Variants in ARHGAP19 observed in about 807,000 individuals in gnomAD.
The protein encoded by ARHGAP19 is Rho GTPase activating protein 19, also known as rho GTPase-activating protein 19.
A neutral mutation model predicts 60.9 loss-of-function variants in ARHGAP19; 48 were observed. The ratio of observed to expected loss-of-function variants is 0.79; its 90% CI spans 0.62 to 1.00. ARHGAP19 has a LOEUF of 1.00. Ranked by LOEUF, ARHGAP19 falls within the 50% of genes least tolerant of loss-of-function variation. ARHGAP19 has a pLI of 0.00. For synonymous variants in ARHGAP19, 209 were observed against 215.5 expected, an observed-to-expected ratio of 0.97 and a Z score of 0.27; for missense variants, 562 against 597.2, an observed-to-expected ratio of 0.94 and a Z score of 0.61.
chr10:97,267,431 C>G (rs1272420505), intron 1 of ARHGAP19, among the ~76,000 whole-genome samples: 1 of 152,226 alleles, frequency 6.6e-6, no homozygotes, highest in East Asian at 1.9e-4. Context: ...TGCAAGCTGT[C>G]AGTGGATCTA....
intron 11 of ARHGAP19, 60 bp from the exon 12 acceptor site, chr10:97,226,192 A>T: frequency 6.4e-7 from 1 of 1,569,858 alleles, no homozygotes; most frequent in Admixed American, 1.7e-5. Context: ...TTTTGCAAAC[A>T]TCCCACTCAA....
At chr10:97,272,723 G>A (rs924520170) in intron 1 of ARHGAP19, among the ~76,000 whole-genome samples, 8 of 151,086 alleles carry the variant, frequency 5.3e-5, no homozygotes, top group African/African-American at 1.9e-4. Flanking sequence ...ATGTCTCTAC[G>A]TTCCATAGTA....
intron 4 of ARHGAP19, among the ~76,000 whole-genome samples, chr10:97,260,934 T>TAAAA (rs757386929): frequency 2.8e-5 from 3 of 107,600 alleles, no homozygotes; most frequent in Non-Finnish European, 5.8e-5. Context: ...TCTCTATATT[T>TAAAA]AAAAAAAAAA....
intron 6 of ARHGAP19, among the ~76,000 whole-genome samples, chr10:97,251,319 AG>A (rs1842651378): frequency 3.2e-5 from 1 of 30,994 alleles, no homozygotes; most frequent in African/African-American, 1.4e-4. Flanking sequence ...GGGAAGGGGA[AG>A]GGAAGGGGAA....
At chr10:97,249,797 CTTTTTT>C (rs34158492) in intron 6 of ARHGAP19, among the ~76,000 whole-genome samples, 1 of 109,028 alleles carries the variant, frequency 9.2e-6, no homozygotes. Context: ...TAGTGTGATT[CTTTTTT>C]TTTTTTTTTT....
intron 1 of ARHGAP19, among the ~76,000 whole-genome samples, chr10:97,283,391 C>T (rs1843111526): frequency 6.6e-6 from 1 of 151,612 alleles, no homozygotes; most frequent in Non-Finnish European, 1.5e-5. Context: ...CCCGTCTCTA[C>T]TAAAAATACA....
intron 1 of ARHGAP19, among the ~76,000 whole-genome samples, chr10:97,281,148 C>T (rs543968491): frequency 2.0e-5 from 3 of 147,380 alleles, no homozygotes; most frequent in East Asian, 2.0e-4. Context: ...CTTGTGAGGA[C>T]AAGGTGGCAG....
intron 6 of ARHGAP19, among the ~76,000 whole-genome samples, chr10:97,250,417 G>A (rs1283825603): frequency 2.0e-5 from 3 of 148,160 alleles, no homozygotes; most frequent in Non-Finnish European, 3.0e-5. Context: ...ATGGAGTCTC[G>A]CTCTGTCGCC....
At chr10:97,240,457 GC>G (rs1842461295) in intron 8 of ARHGAP19, among the ~76,000 whole-genome samples, 1 of 152,182 alleles carries the variant, frequency 6.6e-6, no homozygotes, top group South Asian at 2.1e-4. Context: ...TTCAAGACCA[GC>G]CTGGCCAATA....
At chr10:97,246,244 T>C in intron 7 of ARHGAP19, 28 bp downstream of exon 7, 10 of 1,584,530 alleles carry the variant, frequency 6.3e-6, no homozygotes, top group Non-Finnish European at 8.7e-6. Context: ...TCTCCTTGTT[T>C]GGGTTAAGAG....
chr10:97,233,878 G>A (rs75535852), intron 9 of ARHGAP19, among the ~76,000 whole-genome samples: 2 of 149,382 alleles, frequency 1.3e-5, no homozygotes, highest in Admixed American at 6.7e-5. Flanking sequence ...AAAAAAAAAA[G>A]TGGGAGCTAA....
At chr10:97,231,059 C>CAAAAAAAAAAAAAAAAAAAAA (rs869291841) in intron 9 of ARHGAP19, among the ~76,000 whole-genome samples, 18 of 59,764 alleles carry the variant, frequency 3.0e-4, no homozygotes, top group South Asian at 9.5e-4. Context: ...CTTGTCTCAC[C>CAAAAAAAAAAAAAAAAAAAAA]AAAAAAAAAA....
In ARHGAP19 at chr10:97,225,417, G is replaced by A. The variant is rs1401823729; in HGVS notation, c.*705C>T. Reference sequence around the variant, plus strand: ...GAAAAGAGTTTAATAATTAAGATTTGTTAAAATACTGTATCATTCTGAATT... The same window carrying A: ...GAAAAGAGTTTAATAATTAAGATTTATTAAAATACTGTATCATTCTGAATT... On this transcript the variant is annotated 3_prime_UTR_variant, in exon 12 of 12. Transcript: ENST00000358531. 6.6e-6 allele frequency: 1 copy of A among 152,198 alleles called. No individual in the cohort carries two copies. The highest frequency in any genetic ancestry group is 2.4e-5 in the African/African-American group (1 of 41,440). 9.4% of individuals were successfully genotyped at this position (152,198 alleles called of 1,614,324 possible). A position where few individuals can be genotyped will look rare whatever the true frequency, so the allele number is the denominator to read the frequency against.
chr10:97,247,710 G>A, intron 6 of ARHGAP19, among the ~76,000 whole-genome samples: 1 of 145,246 alleles, frequency 6.9e-6, no homozygotes, highest in Non-Finnish European at 1.5e-5. Context: ...GGGAGGGAGA[G>A]AAAAAGAAAG....
chr10:97,249,987 T>C (rs1031858380), intron 6 of ARHGAP19, among the ~76,000 whole-genome samples: 1 of 152,030 alleles, frequency 6.6e-6, no homozygotes, highest in Non-Finnish European at 1.5e-5. Context: ...GGTTTCACCG[T>C]GTTAGCCAGG....
In ARHGAP19 at chr10:97,235,285, C is replaced by T. The variant is rs1020292799; in HGVS notation, c.1216G>A (p.Gly406Arg). The T allele has an allele frequency of 1.6e-5, 26 of 1,613,568 alleles. No homozygotes were observed. In the African/African-American group the frequency reaches 2.0e-4, roughly 12 times the overall value. The change falls in exon 9 of 12, where the codon GGG (glycine) becomes AGG (arginine). Residue 406 changes from glycine to arginine, a missense_variant. Transcript: ENST00000358531. ...FNKQSLTQTP[G>R]REPSTSQVQK... ...ACCTGGGAAGTAGAAGGTTCTCGCC[C>T]TGGTGTCTGGGTCAATGATTGCTTA... is the stretch of plus-strand genomic sequence containing the variant.
intron 1 of ARHGAP19, among the ~76,000 whole-genome samples, chr10:97,269,294 A>G (rs945281741): frequency 1.3e-5 from 2 of 152,242 alleles, no homozygotes; most frequent in Admixed American, 1.3e-4. Flanking sequence ...GATTTAATCA[A>G]TAGCCCACAT....
At chr10:97,291,596 G>A (rs892757101) in intron 1 of ARHGAP19, among the ~76,000 whole-genome samples, 2 of 152,054 alleles carry the variant, frequency 1.3e-5, no homozygotes, top group Non-Finnish European at 2.9e-5. Flanking sequence ...GCCCGGCCCC[G>A]TATGATATTT....
At chr10:97,227,272 A>G (rs1261609270) in intron 11 of ARHGAP19, among the ~76,000 whole-genome samples, 1 of 152,256 alleles carries the variant, frequency 6.6e-6, no homozygotes, top group Non-Finnish European at 1.5e-5. Context: ...GTTGTATAAA[A>G]GAAATACATG....
Sources: gnomAD v4.1 joint callset for allele counts (sites outside exome capture counted in the v4.1 genomes callset) on GRCh38, gnomAD v4.1.1 for gene constraint, MANE v1.5 for transcripts, NCBI Gene and HGNC (gene_info 2026-07-23, HGNC 2026-07-21) for gene names.